The following EYA2 variants were observed in gnomAD, a reference collection of about 807,000 sequenced individuals.
EYA2 encodes the protein protein phosphatase EYA2.
Under a neutral mutation model 69.2 loss-of-function variants are expected in EYA2, and 31 were observed. The ratio of observed to expected loss-of-function variants is 0.45; its 90% CI spans 0.34 to 0.60. EYA2 has a LOEUF of 0.60. EYA2 is among the 20% of genes least tolerant of loss of function. EYA2 has a pLI of 0.02. For synonymous variants in EYA2, 257 were observed against 279.4 expected (o/e 0.92, Z 0.80); for missense variants, 622 against 701.2 (o/e 0.89, Z 1.28).
At chr20:46,933,610 C>T (rs1568673336) in intron 1 of EYA2, among the ~76,000 whole-genome samples, 2 of 152,194 alleles carry the variant, frequency 1.3e-5, no homozygotes, top group Non-Finnish European at 2.9e-5. Flanking sequence ...GTTTTGTAGT[C>T]TTCATCTGTA....
chr20:47,007,274 C>T (rs1015365286), intron 4 of EYA2, among the ~76,000 whole-genome samples: 11 of 152,128 alleles, frequency 7.2e-5, no homozygotes, highest in East Asian at 1.9e-4. Flanking sequence ...TTAGGATGCA[C>T]GGCATAAAGG....
intron 5 of EYA2, among the ~76,000 whole-genome samples, chr20:47,054,326 G>T (rs901234844): frequency 2.0e-5 from 3 of 152,154 alleles, no homozygotes; most frequent in Non-Finnish European, 4.4e-5. Context: ...AATGAATGAC[G>T]CTAAGGAAAT....
At chr20:47,029,170 G>T (rs978559966) in intron 5 of EYA2, among the ~76,000 whole-genome samples, 2 of 152,206 alleles carry the variant, frequency 1.3e-5, no homozygotes, top group African/African-American at 4.8e-5. Flanking sequence ...AGAAATGGGG[G>T]TTAGCATATT....
chr20:46,987,931 T>C (rs1374292887), intron 1 of EYA2, among the ~76,000 whole-genome samples: 1 of 32,244 alleles, frequency 3.1e-5, no homozygotes, highest in Non-Finnish European at 5.5e-5. Context: ...TCTCTCTCTC[T>C]CTCTCTCTCT....
At chr20:46,997,542 C>G (rs957484307) in intron 2 of EYA2, 2 of 152,184 alleles carry the variant, frequency 1.3e-5, no homozygotes, top group African/African-American at 2.4e-5. Context: ...CAGCCACAGC[C>G]CCTTCATCCT....
At chr20:46,968,112 G>T (rs769856678) in intron 1 of EYA2, among the ~76,000 whole-genome samples, 3 of 152,200 alleles carry the variant, frequency 2.0e-5, no homozygotes, top group Non-Finnish European at 4.4e-5. Flanking sequence ...CTTCCTTCCT[G>T]CTTAGAGTAG....
At chr20:46,983,758 C>T (rs1372661121) in intron 1 of EYA2, among the ~76,000 whole-genome samples, 1 of 152,114 alleles carries the variant, frequency 6.6e-6, no homozygotes, top group Non-Finnish European at 1.5e-5. Context: ...TTTTTTCTCC[C>T]CAGCCCCATA....
chr20:47,028,896 C>T (rs1984245588), intron 5 of EYA2, among the ~76,000 whole-genome samples: 1 of 152,008 alleles, frequency 6.6e-6, no homozygotes. Context: ...CCCATTAAAG[C>T]TGGTTATTGC....
At chr20:46,932,029 C>T (rs373643005) in intron 1 of EYA2, among the ~76,000 whole-genome samples, 1 of 151,134 alleles carries the variant, frequency 6.6e-6, no homozygotes, top group Non-Finnish European at 1.5e-5. Context: ...GCCACAGGAC[C>T]GTCTTAAGCT....
intron 1 of EYA2, among the ~76,000 whole-genome samples, chr20:46,898,994 T>C (rs995275007): frequency 6.6e-6 from 1 of 152,228 alleles, no homozygotes; most frequent in African/African-American, 2.4e-5. Context: ...AGCTGCTGTT[T>C]ATTGAGAACT....
At chr20:47,166,356 C>T (rs2034186303) in intron 10 of EYA2, among the ~76,000 whole-genome samples, 2 of 120,138 alleles carry the variant, frequency 1.7e-5, no homozygotes, top group African/African-American at 6.4e-5. Flanking sequence ...GAGATTGTGC[C>T]ACTGCACTCC....
chr20:47,111,585 A>C (rs1372455231), intron 9 of EYA2, among the ~76,000 whole-genome samples: 1 of 152,188 alleles, frequency 6.6e-6, no homozygotes, highest in African/African-American at 2.4e-5. Context: ...ACCCGTCTTT[A>C]GTCCTCCATT....
At chr20:47,171,119 C>T (rs959786065) in intron 11 of EYA2, among the ~76,000 whole-genome samples, 1 of 152,178 alleles carries the variant, frequency 6.6e-6, no homozygotes, top group Admixed American at 6.5e-5. Flanking sequence ...TCCATGAAGT[C>T]ATCGTTGGGA....
chr20:46,963,636 T>A (rs1014858385), intron 1 of EYA2, among the ~76,000 whole-genome samples: 1 of 152,222 alleles, frequency 6.6e-6, no homozygotes, highest in Non-Finnish European at 1.5e-5. Flanking sequence ...AATGTCTGAT[T>A]CATTTGGTCT....
At chr20:46,936,130 G>C (rs891589753) in intron 1 of EYA2, among the ~76,000 whole-genome samples, 7 of 152,134 alleles carry the variant, frequency 4.6e-5, no homozygotes, top group Non-Finnish European at 8.8e-5. Context: ...GGGCTGGTCA[G>C]CCTATAGTAT....
intron 6 of EYA2, 88 bp from the exon 7 acceptor site, chr20:47,074,070 T>C (rs1162821145): frequency 1.6e-6 from 2 of 1,263,802 alleles, no homozygotes; most frequent in African/African-American, 1.5e-5. Flanking sequence ...TTTATTCTAA[T>C]GGTGAGACAG....
chr20:47,039,179 C>T (rs1984900046), intron 5 of EYA2, among the ~76,000 whole-genome samples: 1 of 152,032 alleles, frequency 6.6e-6, no homozygotes, highest in African/African-American at 2.4e-5. Flanking sequence ...TTGACCTAGA[C>T]CAGGTGTAGG....
intron 1 of EYA2, among the ~76,000 whole-genome samples, chr20:46,988,660 C>T (rs963810008): frequency 1.3e-5 from 2 of 152,104 alleles, no homozygotes; most frequent in South Asian, 2.1e-4. Flanking sequence ...GTGGTGTGTG[C>T]GTTAACCAGA....
chr20:47,183,667 G>T (rs575683206), intron 15 of EYA2, among the ~76,000 whole-genome samples: 1 of 152,326 alleles, frequency 6.6e-6, no homozygotes, highest in Non-Finnish European at 1.5e-5. Context: ...CTCCGGCAGG[G>T]CAGGCTGGTG....
Sources: gnomAD v4.1 joint callset for allele counts (sites outside exome capture counted in the v4.1 genomes callset) on GRCh38, gnomAD v4.1.1 for gene constraint, MANE v1.5 for transcripts, NCBI Gene and HGNC (gene_info 2026-07-23, HGNC 2026-07-21) for gene names.